BCAM: variants seen among roughly 807,000 people sequenced by gnomAD.
The protein encoded by BCAM is basal cell adhesion molecule.
A neutral mutation model predicts 72.4 loss-of-function variants in BCAM; 61 were observed. The observed-to-expected ratio is 0.84, with a 90% CI of 0.69 to 1.04. The LOEUF (loss-of-function observed/expected upper bound fraction) is 1.04. Ranked by LOEUF, BCAM falls within the 50% of genes least tolerant of loss-of-function variation. The probability of loss-of-function intolerance (pLI) is 0.00; values close to 1 mark genes in which losing one functional copy is unlikely to be tolerated. For synonymous variants in BCAM, 408 were observed against 384.2 expected, an observed-to-expected ratio of 1.06 and a Z score of -0.73; for missense variants, 909 against 895.0, an observed-to-expected ratio of 1.02 and a Z score of -0.20.
chr19:44,819,193 G>A lies in BCAM; in HGVS notation c.1473+1G>A, dbSNP rs111794380. 10 of 1,613,862 alleles carry A rather than the reference G, an allele frequency of 6.2e-6. No individual in the cohort carries two copies. Among genetic ancestry groups the A allele is most frequent in the East Asian group, 4.5e-5 (2 of 44,890 alleles). On this transcript the variant is annotated splice_donor_variant, in intron 11 of 14. Transcript: ENST00000270233. LOFTEE classifies it high-confidence loss of function. ...CAGCTGGAGCCAATTGGGGGGCAGC[G>A]TAAGGGACCTTCCTCTCCACCCTGA...
chr19:44,820,999 G>GC lies in BCAM; in HGVS notation c.*83dup. On this transcript the variant is annotated 3_prime_UTR_variant, in exon 15 of 15. Transcript: ENST00000270233. ...AACCAGCCCTGCTCACGCCATGCCCGCCCCCGCCTTCCCTCTTCCCTCTTC... is the reference window on the plus strand; with the variant it reads ...AACCAGCCCTGCTCACGCCATGCCCGCCCCCCGCCTTCCCTCTTCCCTCTTC... The GC allele has an allele frequency of 1.4e-6, 2 of 1,431,922 alleles. No individual in the cohort carries two copies. The highest frequency in any genetic ancestry group is 1.8e-6 in the Non-Finnish European group (2 of 1,085,558). 88.7% of individuals were successfully genotyped at this position (1,431,922 alleles called of 1,614,324 possible).
At chr19:44,811,391 G>T (rs1197144611) in intron 2 of BCAM, 45 bp downstream of exon 2, 1 of 1,609,692 alleles carries the variant, frequency 6.2e-7, no homozygotes, top group African/African-American at 1.3e-5. Context: ...GCACAGCAGG[G>T]CAGCAAAGGT....
rs1407523204 is a variant in BCAM, at chr19:44,814,159, G to A, written c.792G>A (p.Thr264=). Residue 264 remains threonine, a synonymous_variant, in exon 7 of 15, where the codon ACG becomes ACA. Coordinates refer to ENST00000270233, the MANE Select transcript of BCAM (RefSeq NM_005581.5). This position sits in a 1 kb window ranked among gnomAD's most constrained non-coding sequence, Gnocchi z 4.6. ...TCCCTGCCCTTCCCTTAGATCCCAC[G>A]GAGCACGTGCAGTTCTGGGTGGGCA... ...PTFHLTLHYP[T]EHVQFWVGSP... is the part of the protein sequence containing the mutation. The A allele has an allele frequency of 9.5e-6, 15 of 1,583,318 alleles. No individual in the cohort carries two copies. Among genetic ancestry groups the A allele is most frequent in the African/African-American group, 6.8e-5 (5 of 73,956 alleles).
rs750892342 is a variant in BCAM, at chr19:44,813,356, G to T, written c.601+10G>T. The T allele has an allele frequency of 6.8e-6, 11 of 1,612,674 alleles. No individual in the cohort carries two copies. Among genetic ancestry groups the T allele is most frequent in the African/African-American group, 2.7e-5 (2 of 74,900 alleles). ...GTAGAGATGAACCCAGGTGAGCAGCGCAGGAGCGCGGCGGGACGTGGGCTG... is the reference window on the plus strand; with the variant it reads ...GTAGAGATGAACCCAGGTGAGCAGCTCAGGAGCGCGGCGGGACGTGGGCTG... On this transcript the variant is annotated intron_variant, in intron 5 of 14. Transcript: ENST00000270233. The surrounding 1 kb of genome is among the most constrained non-coding windows in gnomAD (Gnocchi z 4.2).
At position 44,813,762 on chromosome 19, in the gene BCAM, C is replaced by T; in HGVS notation, c.784+142C>T. 2.6e-6 allele frequency: 3 copies of T among 1,175,766 alleles called. No individual in the cohort carries two copies. Among genetic ancestry groups the T allele is most frequent in the Non-Finnish European group, 2.3e-6 (2 of 857,202 alleles). The allele number at this position is 1,175,766 out of a possible 1,614,324, so 72.8% of individuals were successfully genotyped here. On this transcript the variant is annotated intron_variant, in intron 6 of 14. Coordinates refer to ENST00000270233, the MANE Select transcript of BCAM (RefSeq NM_005581.5). The surrounding 1 kb of genome is among the most constrained non-coding windows in gnomAD (Gnocchi z 4.2). The stretch of plus-strand genomic sequence containing the variant: ...AAAAAAAATGTGCTAGTGCTGGCCA[C>T]TGACCTCTGACCTCAATTGGTCGCA...
Position 44,814,174 on chromosome 19 carries a change from C to A in BCAM, c.807C>A (p.Phe269Leu), listed in dbSNP as rs1417474937. ...TLHYPTEHVQ[F>L]WVGSPSTPAG... Reference sequence around the variant, plus strand: ...TAGATCCCACGGAGCACGTGCAGTTCTGGGTGGGCAGCCCGTCCACCCCAG... The same window carrying A: ...TAGATCCCACGGAGCACGTGCAGTTATGGGTGGGCAGCCCGTCCACCCCAG... Residue 269 changes from phenylalanine (F) to leucine (L), a missense_variant, in exon 7 of 15, where the codon TTC (phenylalanine) becomes TTA (leucine). Transcript: ENST00000270233. This position sits in a 1 kb window ranked among gnomAD's most constrained non-coding sequence, Gnocchi z 4.6. 1.3e-6 allele frequency: 2 copies of A among 1,585,104 alleles called. No individual in the cohort carries two copies. The highest frequency in any genetic ancestry group is 1.7e-6 in the Non-Finnish European group (2 of 1,172,246).
chr19:44,820,602 AT>A, intron 13 of BCAM, 102 bp from the exon 14 acceptor site: 1 of 1,148,956 alleles, frequency 8.7e-7, no homozygotes, highest in Non-Finnish European at 1.1e-6. Flanking sequence ...CCTCACCTCC[AT>A]CCCCAGCCGC....
rs78735883 is a variant in BCAM at position 44,814,908 on chromosome 19, G to GTTT, written c.1078+165_1078+167dup. The GTTT allele has an allele frequency of 1.7e-3, 863 of 517,280 alleles. No homozygotes were observed. Among genetic ancestry groups the GTTT allele is most frequent in the Middle Eastern group, 2.4e-3 (4 of 1,696 alleles). 32.0% of individuals were successfully genotyped at this position (517,280 alleles called of 1,614,324 possible). A position where few individuals can be genotyped will look rare whatever the true frequency, so the allele number is the denominator to read the frequency against. ...GCATTTCTTGGGGGTTTTTTTGGTT[G>GTTT]TTTTTTTTTTTTTTTTTTTCCCAGA... On this transcript the variant is annotated intron_variant, in intron 8 of 14. Coordinates refer to ENST00000270233, the MANE Select transcript of BCAM (RefSeq NM_005581.5). The surrounding 1 kb of genome is among the most constrained non-coding windows in gnomAD (Gnocchi z 4.6).
intron 8 of BCAM, among the ~76,000 whole-genome samples, chr19:44,815,533 A>G (rs1968493863): frequency 6.6e-6 from 1 of 152,212 alleles, no homozygotes; most frequent in African/African-American, 2.4e-5. Context: ...GAGAGAGAGC[A>G]GGAGAGGGGA....
In BCAM at chr19:44,813,745, T is replaced by C. The variant is rs1204954348; in HGVS notation, c.784+125T>C. 9.8e-6 allele frequency: 13 copies of C among 1,326,872 alleles called. No individual in the cohort carries two copies. The highest frequency in any genetic ancestry group is 1.2e-5 in the Non-Finnish European group (12 of 986,388). 82.2% of individuals were successfully genotyped at this position (1,326,872 alleles called of 1,614,324 possible). ...CTCCCTACTTCATGCTAAAAAAAAA[T>C]GTGCTAGTGCTGGCCACTGACCTCT... On this transcript the variant is annotated intron_variant, in intron 6 of 14. Coordinates refer to ENST00000270233, the MANE Select transcript of BCAM (RefSeq NM_005581.5). The surrounding 1 kb of genome is among the most constrained non-coding windows in gnomAD (Gnocchi z 4.2).
In BCAM at chr19:44,813,327, G is replaced by T. The variant is rs745399465; in HGVS notation, c.582G>T (p.Val194=). 1 of 1,613,982 alleles carries T rather than the reference G, an allele frequency of 6.2e-7. No homozygotes were observed. Among genetic ancestry groups the T allele is most frequent in the Non-Finnish European group, 8.5e-7 (1 of 1,179,974 alleles). Residue 194 remains valine, a synonymous_variant, in exon 5 of 15, where the codon GTG becomes GTT. Coordinates refer to ENST00000270233, the MANE Select transcript of BCAM (RefSeq NM_005581.5). This position sits in a 1 kb window ranked among gnomAD's most constrained non-coding sequence, Gnocchi z 4.2. The part of the protein sequence containing the change: ...TWYRNGQRLE[V]PVEMNPEGYM... ...ATCGCAACGGGCAGCGCCTGGAGGT[G>T]CCCGTAGAGATGAACCCAGGTGAGC...
rs1455348255 is a variant in BCAM at position 44,819,808 on chromosome 19, A to G, written c.1763+82A>G. The G allele has an allele frequency of 4.8e-6, 7 of 1,455,230 alleles. No homozygotes were observed. The East Asian group carries it at 1.5e-4, about 31-fold the overall frequency. 90.1% of individuals were successfully genotyped at this position (1,455,230 alleles called of 1,614,324 possible). On this transcript the variant is annotated intron_variant, in intron 13 of 14. Transcript: ENST00000270233. ...ACCCCAAGCTCAACCCATAACCTCA[A>G]CCACATCTTATCCTCCACCCCACAT...
chr19:44,812,500 C>T lies in BCAM; in HGVS notation c.456C>T (p.Val152=), dbSNP rs1344822717. 4 of 1,614,228 alleles carry T rather than the reference C, an allele frequency of 2.5e-6. No individual in the cohort carries two copies. The South Asian group carries it at 4.4e-5, about 18-fold the overall frequency. Residue 152 remains valine, a synonymous_variant, in exon 4 of 15, where the codon GTC becomes GTT. Transcript: ENST00000270233. This position sits in a 1 kb window ranked among gnomAD's most constrained non-coding sequence, Gnocchi z 5.3. The stretch of plus-strand genomic sequence containing the variant: ...CAGCAAAGCCAGAGGCCACTGAGGT[C>T]TCCCCCAACAAAGGGACACTGTCTG... ...NVFAKPEATE[V]SPNKGTLSVM...
chr19:44,821,017 C>T lies in BCAM; in HGVS notation c.*96C>T, dbSNP rs995793114. 8.7e-6 allele frequency: 12 copies of T among 1,385,540 alleles called. No homozygotes were observed. In the African/African-American group the frequency reaches 1.2e-4, roughly 14 times the overall value. The allele number at this position is 1,385,540 out of a possible 1,614,324, so 85.8% of individuals were successfully genotyped here. ...CATGCCCGCCCCCGCCTTCCCTCTT[C>T]CCTCTTCCCTCTCCCTGCCCAGCCC... On this transcript the variant is annotated 3_prime_UTR_variant, in exon 15 of 15. Coordinates refer to ENST00000270233, the MANE Select transcript of BCAM (RefSeq NM_005581.5).
Position 44,814,637 on chromosome 19 carries a change from G to C in BCAM, c.955G>C (p.Glu319Gln). The C allele has an allele frequency of 2.5e-6, 4 of 1,613,990 alleles. No individual in the cohort carries two copies. The highest frequency in any genetic ancestry group is 3.4e-6 in the Non-Finnish European group (4 of 1,179,922). ...EQEEVLNVNL[E>Q]GNLTLEGVTR... ...GGAGGAAGTGCTGAATGTGAATCTC[G>C]AGGGGAACTTGACCCTGGAGGGAGT... is the stretch of plus-strand genomic sequence containing the variant. The change falls in exon 8 of 15, where the codon GAG (glutamate) becomes CAG (glutamine). Residue 319 changes from glutamate to glutamine, a missense_variant. By Grantham distance (29) the Glu-to-Gln change is conservative (BLOSUM62 2). Transcript: ENST00000270233. The surrounding 1 kb of genome is among the most constrained non-coding windows in gnomAD (Gnocchi z 4.6).
At position 44,820,808 on chromosome 19, in the gene BCAM, G is replaced by A; in HGVS notation, c.1867G>A (p.Gly623Ser). Reference sequence around the variant, plus strand: ...CGGAGGAGCCAGGGGTGGCAGCGGGGGCTTCGGAGACGAGGTGGGTGAGGG... The same window carrying A: ...CGGAGGAGCCAGGGGTGGCAGCGGGAGCTTCGGAGACGAGGTGGGTGAGGG... ...ASGGARGGSG[G>S]FGDEC is the part of the protein sequence containing the mutation. The change falls in exon 14 of 15, where the codon GGC becomes AGC. Residue 623 changes from glycine to serine, a missense_variant. Physicochemically the swap from Gly to Ser is moderately conservative, Grantham distance 56 (BLOSUM62 0). Coordinates refer to ENST00000270233, the MANE Select transcript of BCAM (RefSeq NM_005581.5). 6.6e-7 allele frequency: 1 copy of A among 1,512,726 alleles called. No individual in the cohort carries two copies. The allele number at this position is 1,512,726 out of a possible 1,614,324, so 93.7% of individuals were successfully genotyped here.
Position 44,813,103 on chromosome 19 carries a change from G to T in BCAM, c.505-147G>T. On this transcript the variant is annotated intron_variant, in intron 4 of 14. Coordinates refer to ENST00000270233, the MANE Select transcript of BCAM (RefSeq NM_005581.5). The surrounding 1 kb of genome is among the most constrained non-coding windows in gnomAD (Gnocchi z 4.2). ...GCCTGGACTCTTTAGTCTGAGTCGG[G>T]GACTAGGAATTTGGACTCCTGGGTC... The T allele has an allele frequency of 1.2e-6, 1 of 835,022 alleles. No homozygotes were observed. Among genetic ancestry groups the T allele is most frequent in the Non-Finnish European group, 1.8e-6 (1 of 541,858 alleles). The allele number at this position is 835,022 out of a possible 1,614,324, so 51.7% of individuals were successfully genotyped here. A position where few individuals can be genotyped will look rare whatever the true frequency, so the allele number is the denominator to read the frequency against.
At chr19:44,811,752 G>A (rs969307932) in intron 2 of BCAM, 18 of 313,928 alleles carry the variant, frequency 5.7e-5, no homozygotes, top group Non-Finnish European at 1.0e-4. Context: ...GGGCGTGATG[G>A]CATGTGCCTG....
At position 44,812,291 on chromosome 19, in the gene BCAM, G is replaced by GCT. The variant is rs1568571266; in HGVS notation, c.334_335dup (p.Ala113TrpfsTer16). 6.2e-7 allele frequency: 1 copy of GCT among 1,611,734 alleles called. No homozygotes were observed. On this transcript the variant is annotated frameshift_variant, in exon 3 of 15. Transcript: ENST00000270233. LOFTEE classifies it high-confidence loss of function. The surrounding 1 kb of genome is among the most constrained non-coding windows in gnomAD (Gnocchi z 5.3). The stretch of plus-strand genomic sequence containing the variant: ...AGCTGGACTCCCAGGGGCGCCTGGT[G>GCT]CTGGCTGAGGCCCAGGTGGGCGACG...
Sources: allele counts gnomAD v4.1 joint callset (sites outside exome capture counted in the v4.1 genomes callset), GRCh38; gene constraint gnomAD v4.1.1; non-coding constraint Gnocchi (gnomAD v3.1); transcripts MANE v1.5; gene names NCBI Gene and HGNC (gene_info 2026-07-23, HGNC 2026-07-21).